Variants in ESRRG observed in about 807,000 individuals in gnomAD.
ESRRG encodes the protein estrogen related receptor gamma.
Under a neutral mutation model 44.0 loss-of-function variants are expected in ESRRG, and 13 were observed. That is an observed-to-expected ratio of 0.30 (90% CI 0.19 to 0.47). The LOEUF is 0.47. ESRRG is among the 20% of genes least tolerant of loss of function. The pLI is 1.00. For synonymous variants in ESRRG, 215 were observed against 214.6 expected, an observed-to-expected ratio of 1.00 and a Z score of -0.02; for missense variants, 395 against 580.6, an observed-to-expected ratio of 0.68 and a Z score of 3.29.
At chr1:216,652,486 G>T (rs2069245009) in intron 2 of ESRRG, among the ~76,000 whole-genome samples, 1 of 151,788 alleles carries the variant, frequency 6.6e-6, no homozygotes, top group African/African-American at 2.4e-5. Flanking sequence ...AAGTATGCAT[G>T]ACTTGAAAAA....
At chr1:217,075,288 C>G (rs1157860239) in intron 1 of ESRRG, among the ~76,000 whole-genome samples, 2 of 152,302 alleles carry the variant, frequency 1.3e-5, no homozygotes, top group African/African-American at 4.8e-5. Flanking sequence ...TCATGTAACT[C>G]TTTCAGCCAA....
intron 1 of ESRRG, among the ~76,000 whole-genome samples, chr1:216,984,896 A>C (rs1039175874): frequency 6.6e-6 from 1 of 152,222 alleles, no homozygotes; most frequent in Non-Finnish European, 1.5e-5. Flanking sequence ...TGTGACATCA[A>C]TGACATTTTT....
rs532664625 is a variant in ESRRG, at chr1:216,847,960, A to G, written c.-14+91622T>C. ...ACAAATGCTGTTCCAAGATGTTGGT[A>G]TAGGACAGCGTTTCTCGACCTCAGG... On this transcript the variant is annotated intron_variant, in intron 2 of 7. Coordinates refer to the ESRRG transcript ENST00000359162. Among the ~76,000 whole-genome samples the G allele has an allele frequency of 3.9e-5, 6 of 152,266 alleles. No homozygotes were observed. In the South Asian group the frequency reaches 1.2e-3, roughly 32 times the overall value.
intron 5 of ESRRG, among the ~76,000 whole-genome samples, chr1:216,561,458 C>A (rs1194141193): frequency 6.6e-6 from 1 of 152,040 alleles, no homozygotes; most frequent in Admixed American, 6.6e-5. Context: ...GGCTTTAATT[C>A]CGGCTATGAC....
intron 2 of ESRRG, among the ~76,000 whole-genome samples, chr1:216,746,113 TTAA>T (rs1333638748): frequency 1.3e-5 from 2 of 152,176 alleles, no homozygotes; most frequent in Admixed American, 6.5e-5. Context: ...TCTAACAATC[TTAA>T]TAATGTAAAA....
chr1:217,096,422 A>T (rs1368111801), intron 1 of ESRRG, among the ~76,000 whole-genome samples: 1 of 152,320 alleles, frequency 6.6e-6, no homozygotes, highest in South Asian at 2.1e-4. Flanking sequence ...AAAGAACACT[A>T]AACTTAGAAC....
At chr1:216,739,405 G>A (rs1222203802) in intron 2 of ESRRG, among the ~76,000 whole-genome samples, 1 of 152,078 alleles carries the variant, frequency 6.6e-6, no homozygotes, top group Non-Finnish European at 1.5e-5. Flanking sequence ...TGATCTTTTG[G>A]ACTTTCTATT....
At chr1:217,078,975 G>A (rs1247664275) in intron 1 of ESRRG, among the ~76,000 whole-genome samples, 2 of 152,132 alleles carry the variant, frequency 1.3e-5, no homozygotes, top group African/African-American at 4.8e-5. Flanking sequence ...GTTGTAATGA[G>A]CTATAGAGAT....
chr1:216,731,170 T>G (rs2088691602), intron 2 of ESRRG, among the ~76,000 whole-genome samples: 1 of 152,226 alleles, frequency 6.6e-6, no homozygotes, highest in African/African-American at 2.4e-5. Context: ...CAAAAACGGT[T>G]CTTGTATGCA....
chr1:216,880,080 G>T (rs2149304377), intron 2 of ESRRG, among the ~76,000 whole-genome samples: 1 of 151,958 alleles, frequency 6.6e-6, no homozygotes, highest in East Asian at 1.9e-4. Flanking sequence ...GTTCGAGGCG[G>T]TTGGATCATT....
intron 5 of ESRRG, among the ~76,000 whole-genome samples, chr1:216,539,833 G>A (rs1309341988): frequency 6.0e-5 from 9 of 150,574 alleles, no homozygotes; most frequent in African/African-American, 1.2e-4. Context: ...CACCTTTGAC[G>A]CAAAAAAAAA....
At chr1:216,807,354 T>C (rs927500194) in intron 2 of ESRRG, among the ~76,000 whole-genome samples, 1 of 152,166 alleles carries the variant, frequency 6.6e-6, no homozygotes, top group African/African-American at 2.4e-5. Context: ...TCAGGTCTGA[T>C]AGTCATATTA....
In ESRRG at chr1:217,125,126, G is replaced by A. The variant is rs11807586; in HGVS notation, c.-230+12541C>T. 2.6e-3 allele frequency among the ~76,000 whole-genome samples: 395 copies of A among 152,246 alleles called. 1 individual carries two copies. Among genetic ancestry groups the A allele is most frequent in the African/African-American group, 9.1e-3 (379 of 41,552 alleles). On this transcript the variant is annotated intron_variant, in intron 1 of 8. Coordinates refer to the ESRRG transcript ENST00000366940. ...TTCCCTATCCTAGATCCCAGTGCTT[G>A]CTAGGTTATCAGAACAATACTACAC... is the stretch of plus-strand genomic sequence containing the variant.
intron 2 of ESRRG, among the ~76,000 whole-genome samples, chr1:216,770,396 G>A (rs1395500372): frequency 1.3e-5 from 2 of 152,074 alleles, no homozygotes; most frequent in East Asian, 1.9e-4. Flanking sequence ...TTTATTAATT[G>A]TTTACTCTAT....
intron 1 of ESRRG, among the ~76,000 whole-genome samples, chr1:217,002,730 AGGAGAGG>A (rs1287074278): frequency 1.3e-5 from 2 of 152,136 alleles, no homozygotes; most frequent in Admixed American, 6.5e-5. Context: ...TTGTGCCATA[AGGAGAGG>A]GACACATGGA....
At chr1:216,926,065 C>G (rs916304626) in intron 2 of ESRRG, among the ~76,000 whole-genome samples, 1 of 152,190 alleles carries the variant, frequency 6.6e-6, no homozygotes, top group Non-Finnish European at 1.5e-5. Context: ...TCAGACAGCC[C>G]TGAAATCTGG....
At chr1:217,131,306 T>C (rs1176274587) in intron 1 of ESRRG, among the ~76,000 whole-genome samples, 2 of 151,720 alleles carry the variant, frequency 1.3e-5, no homozygotes, top group Admixed American at 6.6e-5. Flanking sequence ...TATTTATTAA[T>C]GACCAGGTTT....
intron 1 of ESRRG, among the ~76,000 whole-genome samples, chr1:217,054,326 C>A (rs984609510): frequency 3.9e-5 from 6 of 152,164 alleles, no homozygotes; most frequent in African/African-American, 1.4e-4. Context: ...AAACCACACA[C>A]TTCTCCAAGT....
chr1:217,068,961 T>C (rs1361364697), intron 1 of ESRRG, among the ~76,000 whole-genome samples: 1 of 152,202 alleles, frequency 6.6e-6, no homozygotes, highest in African/African-American at 2.4e-5. Context: ...CTTTGACTAG[T>C]GGTCTAACTT....
Sources: gnomAD v4.1 joint callset for allele counts (sites outside exome capture counted in the v4.1 genomes callset) on GRCh38, gnomAD v4.1.1 for gene constraint, MANE v1.5 for transcripts, NCBI Gene and HGNC (gene_info 2026-07-23, HGNC 2026-07-21) for gene names.